The following CFAP100 variants were observed in gnomAD, a reference collection of about 807,000 sequenced individuals.
CFAP100 encodes cilia and flagella associated protein 100.
In CFAP100, 70 loss-of-function variants were observed where a neutral mutation model predicts 81.5. The observed-to-expected ratio is 0.86, with a 90% CI of 0.71 to 1.05. The LOEUF is 1.05. Among genes scored for constraint, CFAP100 ranks in the 50% least tolerant of loss-of-function variants. The pLI is 0.00. For synonymous variants in CFAP100, 341 were observed against 314.8 expected (o/e 1.08, Z -0.88); for missense variants, 811 against 776.5 (o/e 1.04, Z -0.53).
At chr3:126,414,480 C>T (rs923449733) in intron 4 of CFAP100, 44 of 611,660 alleles carry the variant, frequency 7.2e-5, no homozygotes, top group Admixed American at 2.2e-4. Flanking sequence ...CTGCTGCCTG[C>T]GTGAAATGCC....
At chr3:126,414,269 C>T in intron 4 of CFAP100, 90 bp downstream of exon 4, 1 of 882,816 alleles carries the variant, frequency 1.1e-6, no homozygotes, top group Non-Finnish European at 1.9e-6. Context: ...CTCAGAGGAG[C>T]ACTTTCCTCA....
chr3:126,431,506 T>C (rs1344572459), intron 13 of CFAP100, among the ~76,000 whole-genome samples: 1 of 152,174 alleles, frequency 6.6e-6, no homozygotes, highest in African/African-American at 2.4e-5. Context: ...TCACTCTCTA[T>C]GGCTTTTCTC....
At chr3:126,429,949 GC>G (rs1283711101) in intron 13 of CFAP100, among the ~76,000 whole-genome samples, 1 of 152,038 alleles carries the variant, frequency 6.6e-6, no homozygotes, top group African/African-American at 2.4e-5. Flanking sequence ...ATTCTTTTTA[GC>G]CATTTTTTTC....
intron 2 of CFAP100, among the ~76,000 whole-genome samples, chr3:126,406,817 C>T (rs570630349): frequency 2.0e-5 from 3 of 152,150 alleles, no homozygotes; most frequent in East Asian, 3.9e-4. Context: ...CTGGCCACGC[C>T]GGGGTCAGAG....
Position 126,418,642 on chromosome 3 carries a change from A to G in CFAP100, c.518A>G (p.Gln173Arg). The part of the protein sequence containing the change: ...YALDVKRREI[Q>R]RLETLATKEE... ...CTGGATGTCAAGCGGAGAGAGATCC[A>G]GCGGCTGGAGACGCTGGCGACCAAA... is the stretch of plus-strand genomic sequence containing the variant. Residue 173 changes from glutamine (Q) to arginine (R), a missense_variant, in exon 7 of 17, where the codon CAG becomes CGG. By Grantham distance (43) the Gln-to-Arg change is conservative. Transcript: ENST00000352312. 1 of 1,593,724 alleles carries G rather than the reference A, an allele frequency of 6.3e-7. No homozygotes were observed. The highest frequency in any genetic ancestry group is 8.5e-7 in the Non-Finnish European group (1 of 1,170,970).
chr3:126,419,893 G>C, intron 9 of CFAP100, 75 bp downstream of exon 9: 1 of 1,611,182 alleles, frequency 6.2e-7, no homozygotes, highest in Non-Finnish European at 8.5e-7. Flanking sequence ...CCAGCTGGCA[G>C]GTTACCTGCA....
chr3:126,431,601 C>T (rs1933230417), intron 13 of CFAP100, among the ~76,000 whole-genome samples: 1 of 152,182 alleles, frequency 6.6e-6, no homozygotes, highest in African/African-American at 2.4e-5. Flanking sequence ...GGATGGTTGT[C>T]AAATTAGTGT....
intron 3 of CFAP100, among the ~76,000 whole-genome samples, chr3:126,413,734 G>C (rs1227473318): frequency 6.6e-6 from 1 of 152,232 alleles, no homozygotes; most frequent in Non-Finnish European, 1.5e-5. Flanking sequence ...CTGGTCACCA[G>C]GCCCATCACT....
rs548108406 is a variant in CFAP100, at chr3:126,423,223, G to T, written c.1083-102G>T. ...ACTTGTGGGCAGCTGGGAGAGGAGG[G>T]ATGGGGATGCTGCCAACGCCTTCAA... is the stretch of plus-strand genomic sequence containing the variant. On this transcript the variant is annotated intron_variant, in intron 11 of 16. Coordinates refer to ENST00000352312, the MANE Select transcript of CFAP100 (RefSeq NM_182628.3). 2.7e-5 allele frequency: 25 copies of T among 914,890 alleles called. No individual in the cohort carries two copies. The African/African-American group carries it at 4.0e-4, about 15-fold the overall frequency. 56.7% of individuals were successfully genotyped at this position (914,890 alleles called of 1,614,324 possible).
Position 126,426,682 on chromosome 3 carries a change from G to A in CFAP100, c.1286+3038G>A, listed in dbSNP as rs573829389. On this transcript the variant is annotated intron_variant, in intron 13 of 16. Transcript: ENST00000352312. ...GGGGAATCACTTGAACTTGGGAGGC[G>A]GAGGTTGCAGTGAGCTGAGATCGCA... 4.0e-3 allele frequency among the ~76,000 whole-genome samples: 609 copies of A among 152,234 alleles called. 2 individuals are homozygous for A. The highest frequency in any genetic ancestry group is 5.5e-3 in the Non-Finnish European group (371 of 68,032).
In CFAP100 at chr3:126,416,255, G is replaced by A. The variant is rs1203856246; in HGVS notation, c.226-61G>A. On this transcript the variant is annotated intron_variant, in intron 4 of 16. Transcript: ENST00000352312. Reference sequence around the variant, plus strand: ...CGTCCCTAGGAATGGGGAACCGCGCGGGGAGGCCTGGACGCGGGTGGGGAG... The same window carrying A: ...CGTCCCTAGGAATGGGGAACCGCGCAGGGAGGCCTGGACGCGGGTGGGGAG... 3.3e-5 allele frequency: 40 copies of A among 1,205,088 alleles called. 1 individual carries two copies. The South Asian group carries it at 3.7e-4, about 11-fold the overall frequency. 74.6% of individuals were successfully genotyped at this position (1,205,088 alleles called of 1,614,324 possible). A position where few individuals can be genotyped will look rare whatever the true frequency, so the allele number is the denominator to read the frequency against.
chr3:126,431,341 G>C (rs1214566259), intron 13 of CFAP100, among the ~76,000 whole-genome samples: 1 of 152,188 alleles, frequency 6.6e-6, no homozygotes, highest in Non-Finnish European at 1.5e-5. Context: ...GAGAGAAATG[G>C]GCCTCTTGGG....
chr3:126,418,767 A>G lies in CFAP100; in HGVS notation c.643A>G (p.Met215Val). 6.3e-7 allele frequency: 1 copy of G among 1,590,676 alleles called. No homozygotes were observed. The highest frequency in any genetic ancestry group is 8.5e-7 in the Non-Finnish European group (1 of 1,170,430). ...RENDCSSVQA[M>V]RAAEKETKAK... ...GAATGACTGCAGCTCCGTGCAGGCC[A>G]TGAGAGCGTGAGCCTGCGGGCCCGA... The change falls in exon 7 of 17, where the codon ATG (methionine) becomes GTG (valine). Residue 215 changes from methionine to valine, a missense_variant. By Grantham distance (21) the Met-to-Val change is conservative. Transcript: ENST00000352312.
chr3:126,416,784 A>C, intron 5 of CFAP100: 1 of 365,912 alleles, frequency 2.7e-6, no homozygotes. Context: ...GCCGGAGCTG[A>C]AAGTAGGTGA....
At chr3:126,417,110 GA>G (rs2083256883) in intron 5 of CFAP100, among the ~76,000 whole-genome samples, 1 of 152,200 alleles carries the variant, frequency 6.6e-6, no homozygotes, top group Non-Finnish European at 1.5e-5. Flanking sequence ...CGGTTCCTAA[GA>G]AAGAGCATGG....
intron 1 of CFAP100, chr3:126,395,235 C>G (rs905425210): frequency 6.6e-6 from 1 of 152,458 alleles, no homozygotes; most frequent in Admixed American, 6.5e-5. Flanking sequence ...TGTTAGGAGG[C>G]GACCCTGCGA....
intron 3 of CFAP100, among the ~76,000 whole-genome samples, chr3:126,409,134 C>T (rs1560066166): frequency 6.6e-6 from 1 of 152,164 alleles, no homozygotes; most frequent in Non-Finnish European, 1.5e-5. Flanking sequence ...TTCCTCCACC[C>T]TATGAAGATC....
intron 2 of CFAP100, chr3:126,396,383 A>G (rs1307212670): frequency 3.7e-6 from 1 of 273,668 alleles, no homozygotes; most frequent in Non-Finnish European, 6.9e-6. Flanking sequence ...TTTGCAGGCA[A>G]TCCTTGGTGC....
chr3:126,407,349 G>A (rs1188668758), intron 3 of CFAP100, 97 bp downstream of exon 3: 4 of 673,772 alleles, frequency 5.9e-6, no homozygotes, highest in Non-Finnish European at 5.1e-6. Context: ...CTAGAGCTAA[G>A]GGCAGAAGGA....
Sources: gnomAD v4.1 joint callset for allele counts (sites outside exome capture counted in the v4.1 genomes callset) on GRCh38, gnomAD v4.1.1 for gene constraint, MANE v1.5 for transcripts, NCBI Gene and HGNC (gene_info 2026-07-23, HGNC 2026-07-21) for gene names.